ZDHHC8: variants seen among roughly 807,000 people sequenced by gnomAD.
ZDHHC8 encodes the protein zDHHC palmitoyltransferase 8.
A neutral mutation model predicts 61.2 loss-of-function variants in ZDHHC8; 24 were observed. The ratio of observed to expected loss-of-function variants is 0.39; its 90% CI spans 0.28 to 0.55. The LOEUF (loss-of-function observed/expected upper bound fraction) is 0.55. ZDHHC8 is among the 20% of genes least tolerant of loss of function. The probability of loss-of-function intolerance (pLI) is 0.60; values close to 1 mark genes in which losing one functional copy is unlikely to be tolerated. For missense variants in ZDHHC8, 935 were observed against 1,102.1 expected (o/e 0.85, Z 2.15); for synonymous variants, 523 against 492.5 (o/e 1.06, Z -0.82).
In ZDHHC8 at chr22:20,141,678, A is replaced by C. The variant is rs1053399531; in HGVS notation, c.1125+148A>C. ...CACATCCCCTGAGGCCATGCCCCTC[A>C]GGGCTCTGCCTGGGTCACCAAGGGC... is the stretch of plus-strand genomic sequence containing the variant. On this transcript the variant is annotated intron_variant, in intron 9 of 10. Coordinates refer to ENST00000334554, the MANE Select transcript of ZDHHC8 (RefSeq NM_013373.4). 2.5e-5 allele frequency: 18 copies of C among 719,288 alleles called. No individual in the cohort carries two copies. The African/African-American group carries it at 3.2e-4, about 13-fold the overall frequency. The allele number at this position is 719,288 out of a possible 1,614,324, so 44.6% of individuals were successfully genotyped here. A position where few individuals can be genotyped will look rare whatever the true frequency, so the allele number is the denominator to read the frequency against.
rs2050521819 is a variant in ZDHHC8 at position 20,146,237 on chromosome 22, C to G, written c.*837C>G. 19 of 985,498 alleles carry G rather than the reference C, an allele frequency of 1.9e-5. No homozygotes were observed. Among genetic ancestry groups the G allele is most frequent in the Non-Finnish European group, 2.2e-5 (18 of 829,964 alleles). 61.0% of individuals were successfully genotyped at this position (985,498 alleles called of 1,614,324 possible). Reference sequence around the variant, plus strand: ...CAGCCCTCAGGCCCTCCCTGCCAAACTGGAGAACCCCACCCCAAGGCATGC... The same window carrying G: ...CAGCCCTCAGGCCCTCCCTGCCAAAGTGGAGAACCCCACCCCAAGGCATGC... On this transcript the variant is annotated 3_prime_UTR_variant, in exon 11 of 11. Coordinates refer to ENST00000334554, the MANE Select transcript of ZDHHC8 (RefSeq NM_013373.4).
chr22:20,142,409 T>TCCCAAGCCCAAG (rs1024020782), intron 9 of ZDHHC8, among the ~76,000 whole-genome samples: 4 of 152,138 alleles, frequency 2.6e-5, no homozygotes, highest in Admixed American at 6.5e-5. Flanking sequence ...GAGGCTCTTG[T>TCCCAAGCCCAAG]CCCAAGCCCA....
Position 20,145,556 on chromosome 22 carries a change from C to T in ZDHHC8, c.*156C>T, listed in dbSNP as rs1320091413. 1.6e-6 allele frequency: 2 copies of T among 1,288,530 alleles called. No individual in the cohort carries two copies. The highest frequency in any genetic ancestry group is 3.1e-5 in the African/African-American group (2 of 64,718). The allele number at this position is 1,288,530 out of a possible 1,614,324, so 79.8% of individuals were successfully genotyped here. A position where few individuals can be genotyped will look rare whatever the true frequency, so the allele number is the denominator to read the frequency against. The stretch of plus-strand genomic sequence containing the variant: ...GAGAGTGCCACGCCTCCACAGCTTG[C>T]CCCAAGCGCTCTGCCTGCCCGTCCA... On this transcript the variant is annotated 3_prime_UTR_variant, in exon 11 of 11. Transcript: ENST00000334554.
At chr22:20,143,997 C>T (rs1042643582) in intron 10 of ZDHHC8, among the ~76,000 whole-genome samples, 3 of 152,226 alleles carry the variant, frequency 2.0e-5, no homozygotes, top group African/African-American at 4.8e-5. Flanking sequence ...GTCCTGAGCC[C>T]GACGACTCGT....
Position 20,131,865 on chromosome 22 carries a change from G to GC in ZDHHC8, c.-80dup. 9.4e-6 allele frequency: 3 copies of GC among 318,138 alleles called. No individual in the cohort carries two copies. The highest frequency in any genetic ancestry group is 1.3e-5 in the Non-Finnish European group (3 of 222,526). 19.7% of individuals were successfully genotyped at this position (318,138 alleles called of 1,614,324 possible). A position where few individuals can be genotyped will look rare whatever the true frequency, so the allele number is the denominator to read the frequency against. ...CGCCGCGGGTCCTGCGCCGCGTCCA[G>GC]CCCGCCCGCCCGACCCCGGCCCGAC... On this transcript the variant is annotated 5_prime_UTR_variant, in exon 1 of 11. Transcript: ENST00000334554.
intron 1 of ZDHHC8, among the ~76,000 whole-genome samples, chr22:20,138,917 G>A (rs1191708308): frequency 6.6e-6 from 1 of 152,136 alleles, no homozygotes; most frequent in Non-Finnish European, 1.5e-5. Flanking sequence ...GGAATGGGGT[G>A]ACCTTAGGTC....
intron 1 of ZDHHC8, among the ~76,000 whole-genome samples, chr22:20,136,036 G>A (rs755828278): frequency 5.9e-5 from 9 of 152,282 alleles, no homozygotes; most frequent in Non-Finnish European, 1.2e-4. Flanking sequence ...GCCTCAGCCC[G>A]GGTGGGGCCT....
Position 20,143,359 on chromosome 22 carries a change from G to T in ZDHHC8, c.1729G>T (p.Gly577Cys). Reference sequence around the variant, plus strand: ...GGCCGACTCACTCTTCGGCGACTCAGGCGTCTATGACGCTCCCAGCTCCTA... The same window carrying T: ...GGCCGACTCACTCTTCGGCGACTCATGCGTCTATGACGCTCCCAGCTCCTA... ...SQADSLFGDS[G>C]VYDAPSSYSL... Residue 577 changes from glycine (G) to cysteine (C), a missense_variant, in exon 10 of 11, where the codon GGC becomes TGC. Gly to Cys is a radical substitution (Grantham distance 159). Transcript: ENST00000334554. 6.3e-7 allele frequency: 1 copy of T among 1,585,446 alleles called. No individual in the cohort carries two copies.
intron 1 of ZDHHC8, among the ~76,000 whole-genome samples, chr22:20,132,833 C>T (rs1343490052): frequency 6.6e-6 from 1 of 152,252 alleles, no homozygotes; most frequent in Non-Finnish European, 1.5e-5. Context: ...CCCTCTGTGG[C>T]TGTGGGGTCA....
Position 20,141,545 on chromosome 22 carries a change from C to A in ZDHHC8, c.1125+15C>A. 1 of 1,598,470 alleles carries A rather than the reference C, an allele frequency of 6.3e-7. No individual in the cohort carries two copies. Among genetic ancestry groups the A allele is most frequent in the Non-Finnish European group, 8.5e-7 (1 of 1,172,652 alleles). ...CAGGCGAGCAGGTAAGGAGGCCTAG[C>A]CTGCCCCCTGGCAGGCCTCGTCCCC... On this transcript the variant is annotated intron_variant, in intron 9 of 10. Coordinates refer to ENST00000334554, the MANE Select transcript of ZDHHC8 (RefSeq NM_013373.4).
intron 3 of ZDHHC8, 22 bp downstream of exon 3, chr22:20,139,657 G>A (rs1469969817): frequency 3.7e-6 from 6 of 1,611,168 alleles, no homozygotes; most frequent in Non-Finnish European, 5.1e-6. Flanking sequence ...GCTGCCCCGC[G>A]CTCCCCCAGC....
Position 20,136,746 on chromosome 22 carries a change from A to G in ZDHHC8, c.105-2448A>G, listed in dbSNP as rs2050424327. Among the ~76,000 whole-genome samples, 3 of 152,216 alleles carry G rather than the reference A, an allele frequency of 2.0e-5. No individual in the cohort carries two copies. In the South Asian group the frequency reaches 6.2e-4, roughly 32 times the overall value. ...TATATGTGTTTTGTATGCAGACATG[A>G]TTGCATGTGTGCATGTGTGCCTTCT... On this transcript the variant is annotated intron_variant, in intron 1 of 10. Coordinates refer to ENST00000334554, the MANE Select transcript of ZDHHC8 (RefSeq NM_013373.4).
At chr22:20,140,832 G>A in intron 6 of ZDHHC8, 39 bp from the exon 7 acceptor site, 1 of 1,594,914 alleles carries the variant, frequency 6.3e-7, no homozygotes, top group Non-Finnish European at 8.5e-7. Context: ...TGTGTTTGTG[G>A]CAGGTGGGCT....
In ZDHHC8 at chr22:20,146,115, G is replaced by T. The variant is rs1453203944; in HGVS notation, c.*715G>T. On this transcript the variant is annotated 3_prime_UTR_variant, in exon 11 of 11. Coordinates refer to ENST00000334554, the MANE Select transcript of ZDHHC8 (RefSeq NM_013373.4). ...CCCTTTCATCAAAGCCTTAACCTTT[G>T]CTTTATGCTCTTGTGGGAGGCGACG... 1 of 985,674 alleles carries T rather than the reference G, an allele frequency of 1.0e-6. No homozygotes were observed. Among genetic ancestry groups the T allele is most frequent in the Non-Finnish European group, 1.2e-6 (1 of 829,994 alleles). The allele number at this position is 985,674 out of a possible 1,614,324, so 61.1% of individuals were successfully genotyped here.
intron 10 of ZDHHC8, among the ~76,000 whole-genome samples, chr22:20,144,576 G>A (rs2050504999): frequency 1.3e-5 from 2 of 152,236 alleles, no homozygotes; most frequent in Non-Finnish European, 2.9e-5. Context: ...CCACAAAGGG[G>A]CTGAGGGCAC....
In ZDHHC8 at chr22:20,143,116, C is replaced by A. The variant is rs901718049; in HGVS notation, c.1486C>A (p.His496Asn). ...GCCTGGTGGCCACGCCTGCCCTGCC[C>A]ACCCAGCAGTTGGCGTGGCCGGATA... ...GSPGGHACPA[H>N]PAVGVAGYHS... Residue 496 changes from histidine to asparagine, a missense_variant, in exon 10 of 11, where the codon CAC (histidine) becomes AAC (asparagine). Transcript: ENST00000334554. The A allele has an allele frequency of 1.4e-5, 23 of 1,612,198 alleles. No individual in the cohort carries two copies. The highest frequency in any genetic ancestry group is 1.9e-5 in the Non-Finnish European group (22 of 1,179,856).
intron 1 of ZDHHC8, among the ~76,000 whole-genome samples, chr22:20,135,494 G>A (rs1039504181): frequency 5.3e-5 from 8 of 152,218 alleles, no homozygotes; most frequent in African/African-American, 1.9e-4. Context: ...ATCTCTGTCT[G>A]GGGCATCTGG....
At chr22:20,142,267 C>T (rs2050477087) in intron 9 of ZDHHC8, among the ~76,000 whole-genome samples, 1 of 152,184 alleles carries the variant, frequency 6.6e-6, no homozygotes, top group African/African-American at 2.4e-5. Context: ...GAGGAGGCAT[C>T]CCTGTTTGGA....
intron 10 of ZDHHC8, 123 bp from the exon 11 acceptor site, chr22:20,145,106 C>T (rs1305151154): frequency 5.5e-6 from 5 of 916,644 alleles, no homozygotes; most frequent in Non-Finnish European, 6.2e-6. Flanking sequence ...CTGCACGGGG[C>T]CCCACAACTC....
Sources: gnomAD v4.1 joint callset for allele counts (sites outside exome capture counted in the v4.1 genomes callset) on GRCh38, gnomAD v4.1.1 for gene constraint, MANE v1.5 for transcripts, NCBI Gene and HGNC (gene_info 2026-07-23, HGNC 2026-07-21) for gene names.